The following SEMA3A variants were observed in gnomAD, a reference collection of about 807,000 sequenced individuals.
SEMA3A encodes semaphorin 3A, also known as semaphorin-3A.
SEMA3A carries 29 observed loss-of-function variants against 97.9 expected under a neutral mutation model. That is an observed-to-expected ratio of 0.30 (90% CI 0.22 to 0.40). The LOEUF (loss-of-function observed/expected upper bound fraction) is 0.40. Among genes scored for constraint, SEMA3A ranks in the 10% least tolerant of loss-of-function variants. SEMA3A has a pLI of 1.00. For missense variants in SEMA3A, 763 were observed against 951.3 expected, an observed-to-expected ratio of 0.80 and a Z score of 2.60; for synonymous variants, 321 against 323.7, an observed-to-expected ratio of 0.99 and a Z score of 0.09.
intron 1 of SEMA3A, among the ~76,000 whole-genome samples, chr7:84,422,232 T>C (rs1804617205): frequency 6.6e-6 from 1 of 152,084 alleles, no homozygotes; most frequent in African/African-American, 2.4e-5. Flanking sequence ...GACTTCTTCC[T>C]GGTTTAGTCT....
intron 3 of SEMA3A, among the ~76,000 whole-genome samples, chr7:84,111,797 A>G (rs1459749096): frequency 1.3e-5 from 2 of 152,208 alleles, no homozygotes; most frequent in Non-Finnish European, 2.9e-5. Flanking sequence ...ATTACAATGT[A>G]TAAAATTACT....
At chr7:84,308,348 C>A (rs1183114318) in intron 2 of SEMA3A, among the ~76,000 whole-genome samples, 2 of 152,046 alleles carry the variant, frequency 1.3e-5, no homozygotes, top group African/African-American at 2.4e-5. Context: ...GAAAATGGTA[C>A]CCCAAATGTA....
At chr7:84,043,722 G>A (rs1236838629) in intron 6 of SEMA3A, among the ~76,000 whole-genome samples, 3 of 152,030 alleles carry the variant, frequency 2.0e-5, no homozygotes, top group Admixed American at 6.6e-5. Context: ...CTTCCATCTT[G>A]CAGCAGTTCT....
At chr7:84,407,947 G>T (rs1433070207) in intron 1 of SEMA3A, among the ~76,000 whole-genome samples, 8 of 152,136 alleles carry the variant, frequency 5.3e-5, no homozygotes, top group Non-Finnish European at 1.5e-5. Flanking sequence ...AACCCTAGAA[G>T]AAAACCTAGG....
At chr7:84,373,421 A>C (rs1412045941) in intron 1 of SEMA3A, among the ~76,000 whole-genome samples, 1 of 152,206 alleles carries the variant, frequency 6.6e-6, no homozygotes, top group African/African-American at 2.4e-5. Context: ...AGTCATTATT[A>C]ACAAAAAGCA....
At chr7:84,372,098 C>T (rs1229442472) in intron 1 of SEMA3A, 2 of 152,074 alleles carry the variant, frequency 1.3e-5, no homozygotes, top group Non-Finnish European at 2.9e-5. Context: ...TCACTAGGCA[C>T]TCAGAGCACT....
At chr7:84,171,488 A>G (rs199824859) in intron 1 of SEMA3A, among the ~76,000 whole-genome samples, 6 of 152,154 alleles carry the variant, frequency 3.9e-5, no homozygotes, top group Non-Finnish European at 8.8e-5. Context: ...CAAAGATTGG[A>G]GAGTGTTCTA....
intron 1 of SEMA3A, among the ~76,000 whole-genome samples, chr7:84,455,639 A>C (rs988263405): frequency 6.6e-6 from 1 of 151,946 alleles, no homozygotes; most frequent in Non-Finnish European, 1.5e-5. Context: ...TTCAATGTGA[A>C]TAATTCTTAT....
chr7:84,299,703 C>T (rs915167266), intron 3 of SEMA3A, among the ~76,000 whole-genome samples: 2 of 151,484 alleles, frequency 1.3e-5, no homozygotes, highest in East Asian at 3.9e-4. Context: ...TAATGAGGAA[C>T]GTGAAGACCA....
At chr7:84,062,725 G>A (rs927324171) in intron 4 of SEMA3A, among the ~76,000 whole-genome samples, 1 of 152,166 alleles carries the variant, frequency 6.6e-6, no homozygotes, top group Non-Finnish European at 1.5e-5. Context: ...CTTAAAAAAC[G>A]GCGCATCACG....
chr7:83,988,969 T>TAAA (rs1211033256), intron 12 of SEMA3A, among the ~76,000 whole-genome samples: 2 of 150,606 alleles, frequency 1.3e-5, no homozygotes, highest in East Asian at 2.0e-4. Context: ...TCAGCTTTTT[T>TAAA]AAAAAAAGTT....
intron 1 of SEMA3A, among the ~76,000 whole-genome samples, chr7:84,414,909 TA>T (rs1296283064): frequency 6.6e-6 from 1 of 152,042 alleles, no homozygotes; most frequent in African/African-American, 2.4e-5. Flanking sequence ...ATATGTTAGA[TA>T]ACATTATTGT....
At chr7:84,350,398 T>A (rs1382540955) in intron 2 of SEMA3A, among the ~76,000 whole-genome samples, 2 of 152,142 alleles carry the variant, frequency 1.3e-5, no homozygotes, top group East Asian at 3.8e-4. Flanking sequence ...GAAAACATAG[T>A]ATATTTATAA....
At chr7:84,069,245 T>G (rs1013650264) in intron 4 of SEMA3A, among the ~76,000 whole-genome samples, 1 of 152,138 alleles carries the variant, frequency 6.6e-6, no homozygotes, top group Non-Finnish European at 1.5e-5. Flanking sequence ...TGGCTGTGCC[T>G]TTTATTGGCT....
intron 3 of SEMA3A, among the ~76,000 whole-genome samples, chr7:84,278,975 A>T (rs183900641): frequency 6.6e-6 from 1 of 152,280 alleles, no homozygotes; most frequent in Admixed American, 6.5e-5. Context: ...TAATTATTAT[A>T]ATACTCTAAA....
chr7:84,200,813 T>C (rs1249770595), intron 3 of SEMA3A, among the ~76,000 whole-genome samples: 1 of 133,784 alleles, frequency 7.5e-6, no homozygotes, highest in Non-Finnish European at 1.6e-5. Context: ...TTTTTTTTTT[T>C]AAGTGAGAGT....
chr7:84,180,074 G>A (rs561122399), intron 1 of SEMA3A, among the ~76,000 whole-genome samples: 2 of 148,924 alleles, frequency 1.3e-5, no homozygotes, highest in Admixed American at 1.4e-4. Flanking sequence ...AGCCTCCCTA[G>A]TAGCTGGGAT....
chr7:84,360,090 C>T (rs929989100), intron 2 of SEMA3A, among the ~76,000 whole-genome samples: 1 of 151,564 alleles, frequency 6.6e-6, no homozygotes, highest in African/African-American at 2.4e-5. Flanking sequence ...AAAAAACCAG[C>T]TCCTGGTTTC....
intron 1 of SEMA3A, among the ~76,000 whole-genome samples, chr7:84,375,060 C>T (rs1584273344): frequency 6.6e-6 from 1 of 152,154 alleles, no homozygotes. Flanking sequence ...CACTCTGTCA[C>T]CCAGGCTAGA....
Sources: gnomAD v4.1 joint callset for allele counts (sites outside exome capture counted in the v4.1 genomes callset) on GRCh38, gnomAD v4.1.1 for gene constraint, MANE v1.5 for transcripts, NCBI Gene and HGNC (gene_info 2026-07-23, HGNC 2026-07-21) for gene names.